DCAF6: variants seen among roughly 807,000 people sequenced by gnomAD.
The protein encoded by DCAF6 is DDB1- and CUL4-associated factor 6.
DCAF6 carries 54 observed loss-of-function variants against 125.1 expected under a neutral mutation model. That is an observed-to-expected ratio of 0.43 (90% CI 0.35 to 0.54). The LOEUF is 0.54. Ranked by LOEUF, DCAF6 falls within the 20% of genes least tolerant of loss-of-function variation. The pLI, the probability that DCAF6 is intolerant of heterozygous loss-of-function variation, is 0.01. For synonymous variants in DCAF6, 371 were observed against 390.4 expected, an observed-to-expected ratio of 0.95 and a Z score of 0.58; for missense variants, 934 against 1,161.7, an observed-to-expected ratio of 0.80 and a Z score of 2.85.
intron 16 of DCAF6, 120 bp downstream of exon 16, chr1:168,045,347 A>G (rs955488808): frequency 1.2e-6 from 1 of 867,048 alleles, no homozygotes; most frequent in Non-Finnish European, 1.7e-6. Context: ...TGTCTCATTC[A>G]TATAAACTTA....
At chr1:167,891,980 T>C in the DCAF6 span, among the ~76,000 whole-genome samples, 1 of 151,446 alleles carries the variant, frequency 6.6e-6, no homozygotes, top group Non-Finnish European at 1.5e-5. Flanking sequence ...TCTTTTCTTT[T>C]TTTTTTTTTT....
chr1:167,877,311 C>T, the DCAF6 span, among the ~76,000 whole-genome samples: 1 of 150,828 alleles, frequency 6.6e-6, no homozygotes, highest in Non-Finnish European at 1.5e-5. Flanking sequence ...TAAGTACTCA[C>T]TAAAAATTAT....
intron 12 of DCAF6, among the ~76,000 whole-genome samples, chr1:168,036,090 A>C: frequency 6.6e-6 from 1 of 152,118 alleles, no homozygotes; most frequent in East Asian, 1.9e-4. Flanking sequence ...ACAAAACAAA[A>C]AAACTTTGTA....
the DCAF6 span, among the ~76,000 whole-genome samples, chr1:167,916,040 A>T: frequency 7.0e-6 from 1 of 143,524 alleles, no homozygotes; most frequent in Admixed American, 6.7e-5. Flanking sequence ...ATTCAACTCA[A>T]CTATACTAAT....
chr1:168,010,985 A>G (rs1445312625), intron 10 of DCAF6, among the ~76,000 whole-genome samples: 2 of 152,100 alleles, frequency 1.3e-5, no homozygotes, highest in Non-Finnish European at 2.9e-5. Flanking sequence ...AGAAGCTGGT[A>G]ACTTTGAAGT....
intron 11 of DCAF6, 114 bp from the exon 12 acceptor site, chr1:168,022,870 GTACT>G (rs1395855025): frequency 3.7e-5 from 32 of 873,694 alleles, no homozygotes; most frequent in Non-Finnish European, 5.1e-5. Flanking sequence ...TCACACCACA[GTACT>G]TACTTCTATT....
chr1:167,896,892 T>C, the DCAF6 span, among the ~76,000 whole-genome samples: 1 of 152,196 alleles, frequency 6.6e-6, no homozygotes, highest in Non-Finnish European at 1.5e-5. Context: ...TTCACTCACA[T>C]CTCAATGTTT....
At chr1:167,887,808 T>A in the DCAF6 span, among the ~76,000 whole-genome samples, 1 of 151,856 alleles carries the variant, frequency 6.6e-6, no homozygotes, top group African/African-American at 2.4e-5. Flanking sequence ...TGTTATCCCA[T>A]CTGTCCATTT....
chr1:167,960,129 A>G (rs1180702813), intron 2 of DCAF6, among the ~76,000 whole-genome samples: 1 of 151,944 alleles, frequency 6.6e-6, no homozygotes, highest in African/African-American at 2.4e-5. Flanking sequence ...TGAAAAGACT[A>G]TCTGCATTGT....
chr1:167,936,543 C>T, upstream of DCAF6: 1 of 274,736 alleles, frequency 3.6e-6, no homozygotes, highest in Non-Finnish European at 7.1e-6. Flanking sequence ...CAGCCTCAGT[C>T]CCCAGGGTGG....
At chr1:167,926,083 G>A in the DCAF6 span, among the ~76,000 whole-genome samples, 2 of 152,176 alleles carry the variant, frequency 1.3e-5, no homozygotes, top group Non-Finnish European at 2.9e-5. Flanking sequence ...AAACCCTGTG[G>A]TTCCTTGTGG....
the DCAF6 span, chr1:167,920,508 T>C: frequency 1.3e-6 from 2 of 1,596,018 alleles, no homozygotes; most frequent in Non-Finnish European, 1.7e-6. Flanking sequence ...AAATCATTTA[T>C]GTTCTACAAG....
the DCAF6 span, chr1:167,901,527 T>G: frequency 2.2e-6 from 2 of 916,062 alleles, no homozygotes; most frequent in Non-Finnish European, 3.6e-6. Flanking sequence ...ATTCTGATTG[T>G]CCTGATGCCA....
the DCAF6 span, chr1:167,905,282 A>C: frequency 1.9e-6 from 2 of 1,069,690 alleles, no homozygotes; most frequent in Non-Finnish European, 1.4e-6. Context: ...GTTTTGTTCT[A>C]ACCTGCGGCC....
chr1:168,004,082 T>TATAA, intron 9 of DCAF6, 93 bp downstream of exon 9: 1 of 1,389,316 alleles, frequency 7.2e-7, no homozygotes, highest in Non-Finnish European at 9.9e-7. Flanking sequence ...TTATACCATG[T>TATAA]TTTACATCTG....
At chr1:167,909,202 T>C in the DCAF6 span, among the ~76,000 whole-genome samples, 2 of 152,342 alleles carry the variant, frequency 1.3e-5, no homozygotes, top group East Asian at 3.9e-4. Context: ...TGTTGTTGTA[T>C]ATCAATAATT....
intron 10 of DCAF6, among the ~76,000 whole-genome samples, chr1:168,007,961 T>TC (rs1683575734): frequency 9.8e-6 from 1 of 102,546 alleles, no homozygotes; most frequent in South Asian, 3.9e-4. Flanking sequence ...TTGTTGTACA[T>TC]CTTTTTTTTT....
Position 168,016,415 on chromosome 1 carries a change from G to A in DCAF6, c.1549+464G>A, listed in dbSNP as rs573794255. The stretch of plus-strand genomic sequence containing the variant: ...ATTATAGTATTATTTGGCCATACTA[G>A]CATGCTGACTAAATTATTTCCTTCT... On this transcript the variant is annotated intron_variant, in intron 11 of 21. Coordinates refer to ENST00000367840, the MANE Select transcript of DCAF6 (RefSeq NM_001198956.2). 3.6e-4 allele frequency among the ~76,000 whole-genome samples: 55 copies of A among 152,086 alleles called. No individual in the cohort carries two copies. In the East Asian group the frequency reaches 7.7e-3, roughly 21 times the overall value.
At chr1:167,884,491 G>A in the DCAF6 span, among the ~76,000 whole-genome samples, 3 of 152,048 alleles carry the variant, frequency 2.0e-5, no homozygotes, top group Non-Finnish European at 2.9e-5. Context: ...ATTTGGGAGG[G>A]GATACAAATC....
Sources: allele counts gnomAD v4.1 joint callset (sites outside exome capture counted in the v4.1 genomes callset), GRCh38; gene constraint gnomAD v4.1.1; transcripts MANE v1.5; gene names NCBI Gene and HGNC (gene_info 2026-07-23, HGNC 2026-07-21).